SPTA1: variants seen among roughly 807,000 people sequenced by gnomAD.
SPTA1 encodes spectrin alpha chain, erythrocytic 1.
SPTA1 carries 177 observed loss-of-function variants against 324.7 expected under a neutral mutation model. The observed-to-expected ratio is 0.55, with a 90% CI of 0.48 to 0.62. The LOEUF is 0.62. Ranked by LOEUF, SPTA1 falls within the 20% of genes least tolerant of loss-of-function variation. The probability of loss-of-function intolerance (pLI) is 0.00; values close to 1 mark genes in which losing one functional copy is unlikely to be tolerated. For missense variants in SPTA1, 3,162 were observed against 2,883.6 expected, an observed-to-expected ratio of 1.10 and a Z score of -2.21; for synonymous variants, 1,195 against 1,041.3, an observed-to-expected ratio of 1.15 and a Z score of -2.84.
chr1:158,627,370 G>C (rs928834602), intron 40 of SPTA1, among the ~76,000 whole-genome samples: 2 of 152,126 alleles, frequency 1.3e-5, no homozygotes, highest in African/African-American at 4.8e-5. Flanking sequence ...CTCTGTATAG[G>C]ACAACAAGAT....
At chr1:158,637,266 A>T (rs1651153998) in intron 36 of SPTA1, among the ~76,000 whole-genome samples, 1 of 152,212 alleles carries the variant, frequency 6.6e-6, no homozygotes, top group South Asian at 2.1e-4. Context: ...GACTACATGG[A>T]CAAGATTATT....
At chr1:158,652,735 GA>G in intron 22 of SPTA1, 82 bp from the exon 23 acceptor site, 1 of 1,487,654 alleles carries the variant, frequency 6.7e-7, no homozygotes, top group South Asian at 1.2e-5. Context: ...CATAGAGAAA[GA>G]AGGAACAAAA....
In SPTA1 at chr1:158,626,959, C is replaced by T; in HGVS notation, c.5713G>A (p.Ala1905Thr). 1.2e-6 allele frequency: 2 copies of T among 1,613,892 alleles called. No individual in the cohort carries two copies. The highest frequency in any genetic ancestry group is 1.7e-6 in the Non-Finnish European group (2 of 1,179,834). The change falls in exon 41 of 52, where the codon GCT (alanine) becomes ACT (threonine). Residue 1905 changes from alanine to threonine, a missense_variant. Ala to Thr is a moderately conservative substitution (Grantham distance 58). Coordinates refer to ENST00000643759, the MANE Select transcript of SPTA1 (RefSeq NM_003126.4). Reference sequence around the variant, plus strand: ...AGAGAAGGGGTCTTTTCATTCAGAGCCTCTATCTTGGAAGAAATCTCTTTG... The same window carrying T: ...AGAGAAGGGGTCTTTTCATTCAGAGTCTCTATCTTGGAAGAAATCTCTTTG... ...QNKEISSKIE[A>T]LNEKTPSLAK...
chr1:158,678,568 A>AGATG, intron 5 of SPTA1, 34 bp from the exon 6 acceptor site: 1 of 1,609,518 alleles, frequency 6.2e-7, no homozygotes, highest in Non-Finnish European at 8.5e-7. Flanking sequence ...AGTTATACAG[A>AGATG]GATGAGATTA....
chr1:158,613,884 G>T lies in SPTA1; in HGVS notation c.6843-17C>A. On this transcript the variant is annotated splice_polypyrimidine_tract_variant and intron_variant, in intron 49 of 51. Transcript: ENST00000643759. ...TCAAAGTGTCTAAAGGATAAAAAAA[G>T]AAAAAAAAATTTATCAAGCTCAATA... is the stretch of plus-strand genomic sequence containing the variant. The T allele has an allele frequency of 6.2e-7, 1 of 1,605,280 alleles. No individual in the cohort carries two copies. The highest frequency in any genetic ancestry group is 1.3e-5 in the African/African-American group (1 of 74,140).
intron 33 of SPTA1, among the ~76,000 whole-genome samples, chr1:158,642,208 T>C (rs1390249428): frequency 2.0e-5 from 3 of 151,958 alleles, no homozygotes; most frequent in Non-Finnish European, 2.9e-5. Flanking sequence ...TACCTAATGC[T>C]AAATGACAAG....
intron 38 of SPTA1, among the ~76,000 whole-genome samples, chr1:158,635,123 G>T (rs74622803): frequency 8.3e-4 from 127 of 152,144 alleles, no homozygotes; most frequent in African/African-American, 2.9e-3. Context: ...GTTATATTTG[G>T]CTATATGTGT....
chr1:158,661,271 T>G lies in SPTA1; in HGVS notation c.2587+16A>C. The stretch of plus-strand genomic sequence containing the variant: ...CCTGGTGATGTTTTGTCCAACTGAA[T>G]CTCAATCATACATACCTTCCTCTAC... On this transcript the variant is annotated intron_variant, in intron 18 of 51. Coordinates refer to ENST00000643759, the MANE Select transcript of SPTA1 (RefSeq NM_003126.4). 6.2e-7 allele frequency: 1 copy of G among 1,613,818 alleles called. No homozygotes were observed. Among genetic ancestry groups the G allele is most frequent in the Non-Finnish European group, 8.5e-7 (1 of 1,179,774 alleles).
chr1:158,640,671 G>A (rs1232646198), intron 33 of SPTA1, among the ~76,000 whole-genome samples: 1 of 152,068 alleles, frequency 6.6e-6, no homozygotes, highest in Non-Finnish European at 1.5e-5. Context: ...AATAAAAGAG[G>A]ATACAAACAA....
intron 46 of SPTA1, 65 bp downstream of exon 46, chr1:158,617,974 T>G (rs1649679340): frequency 6.7e-7 from 1 of 1,484,434 alleles, no homozygotes. Flanking sequence ...GCACTAACTC[T>G]TTCTTAACGA....
rs1239279282 is a variant in SPTA1 at position 158,626,936 on chromosome 1, A to C, written c.5736T>G (p.Ser1912=). 1.2e-6 allele frequency: 2 copies of C among 1,613,980 alleles called. No individual in the cohort carries two copies. Among genetic ancestry groups the C allele is most frequent in the East Asian group, 2.2e-5 (1 of 44,874 alleles). The part of the protein sequence containing the change: ...KIEALNEKTP[S]LAKAIAAWKL... ...TCCAAGCAGCTATTGCCTTAGCCAG[A>C]GAAGGGGTCTTTTCATTCAGAGCCT... The change falls in exon 41 of 52, where the codon TCT becomes TCG. Residue 1912 remains serine, a synonymous_variant. Transcript: ENST00000643759.
At chr1:158,652,325 A>C in intron 23 of SPTA1, 142 bp downstream of exon 23, 1 of 912,494 alleles carries the variant, frequency 1.1e-6, no homozygotes, top group Middle Eastern at 2.4e-4. Context: ...CAATACCTAG[A>C]GGGAGATCTC....
intron 38 of SPTA1, among the ~76,000 whole-genome samples, chr1:158,635,544 G>T (rs985336067): frequency 3.7e-4 from 57 of 152,136 alleles, no homozygotes; most frequent in Non-Finnish European, 5.9e-5. Context: ...ATGGCTATAG[G>T]GAAAAATAAT....
intron 21 of SPTA1, 70 bp from the exon 22 acceptor site, chr1:158,653,495 A>G: frequency 1.3e-6 from 2 of 1,590,474 alleles, no homozygotes; most frequent in Non-Finnish European, 1.7e-6. Context: ...AGACTTCAAC[A>G]CTAAGTCTCT....
intron 15 of SPTA1, among the ~76,000 whole-genome samples, chr1:158,667,163 C>A (rs6695912): frequency 0.078 from 11,655 of 149,728 alleles, 1,531 homozygotes; most frequent in African/African-American, 0.27. Context: ...GGATGGTATC[C>A]AAAAAAAAAT....
rs11265048 is a variant in SPTA1, at chr1:158,669,960, A to G, written c.1600-174T>C. On this transcript the variant is annotated intron_variant, in intron 12 of 51. Coordinates refer to ENST00000643759, the MANE Select transcript of SPTA1 (RefSeq NM_003126.4). ...TGTTATAAATTGTATTTCAAAATATATACCTCAGGGCATGTCAATTACATT... is the reference window on the plus strand; with the variant it reads ...TGTTATAAATTGTATTTCAAAATATGTACCTCAGGGCATGTCAATTACATT... 6.5e-3 allele frequency among the ~76,000 whole-genome samples: 985 copies of G among 152,300 alleles called. 9 individuals carry two copies. Among genetic ancestry groups the G allele is most frequent in the African/African-American group, 0.022 (901 of 41,564 alleles).
chr1:158,629,155 T>C (rs1437793538), intron 39 of SPTA1, among the ~76,000 whole-genome samples: 3 of 150,602 alleles, frequency 2.0e-5, no homozygotes, highest in African/African-American at 7.3e-5. Flanking sequence ...GATAGATAGA[T>C]AGATATGTCT....
chr1:158,666,864 A>T (rs1225170761), intron 15 of SPTA1, among the ~76,000 whole-genome samples: 1 of 152,266 alleles, frequency 6.6e-6, no homozygotes, highest in East Asian at 1.9e-4. Flanking sequence ...GGAGAAGCAT[A>T]ATGAGGTTGG....
chr1:158,657,456 T>A, intron 19 of SPTA1, 21 bp downstream of exon 19: 3 of 1,599,138 alleles, frequency 1.9e-6, no homozygotes, highest in Non-Finnish European at 2.6e-6. Context: ...ATTCACAATG[T>A]TAAACCCACC....
Sources: gnomAD v4.1 joint callset for allele counts (sites outside exome capture counted in the v4.1 genomes callset) on GRCh38, gnomAD v4.1.1 for gene constraint, MANE v1.5 for transcripts, NCBI Gene and HGNC (gene_info 2026-07-23, HGNC 2026-07-21) for gene names.